The following HDHD2 variants were observed in gnomAD, a reference collection of about 807,000 sequenced individuals.
The protein encoded by HDHD2 is haloacid dehalogenase-like hydrolase domain-containing protein 2.
A neutral mutation model predicts 24.8 loss-of-function variants in HDHD2; 26 were observed. The observed-to-expected ratio is 1.05, with a 90% confidence interval of 0.77 to 1.45. The LOEUF is 1.45. Among genes scored for constraint, HDHD2 ranks in the 40% most tolerant of loss-of-function variants. HDHD2 has a pLI of 0.00. For missense variants in HDHD2, 299 were observed against 313.4 expected (o/e 0.95, Z 0.35); for synonymous variants, 128 against 114.9 (o/e 1.11, Z -0.73).
Position 47,115,261 on chromosome 18 carries a change from T to C in HDHD2, c.483A>G (p.Pro161=). 1.2e-6 allele frequency: 2 copies of C among 1,614,090 alleles called. No individual in the cohort carries two copies. The highest frequency in any genetic ancestry group is 1.7e-5 in the Admixed American group (1 of 60,030). Residue 161 remains proline, a synonymous_variant, in exon 5 of 7, where the codon CCA becomes CCG. Coordinates refer to ENST00000300605, the MANE Select transcript of HDHD2 (RefSeq NM_032124.5). ...RKDGLALGPG[P]FVTALEYATD... ...TGGCATACTCTAAAGCAGTCACAAA[T>C]GGTCCAGGCCCCAGGGCTAAGCCAT... is the stretch of plus-strand genomic sequence containing the variant.
At chr18:47,122,073 C>T (rs1212546443) in intron 4 of HDHD2, among the ~76,000 whole-genome samples, 1 of 152,082 alleles carries the variant, frequency 6.6e-6, no homozygotes, top group Non-Finnish European at 1.5e-5. Flanking sequence ...CTAGAACAGT[C>T]TCCATAATGC....
At chr18:47,127,672 C>A (rs1427303331) in intron 4 of HDHD2, among the ~76,000 whole-genome samples, 1 of 148,136 alleles carries the variant, frequency 6.8e-6, no homozygotes, top group South Asian at 2.1e-4. Context: ...GATCACACCA[C>A]TGCACTCCAG....
At chr18:47,118,336 AC>A (rs1301395657) in intron 4 of HDHD2, among the ~76,000 whole-genome samples, 1 of 152,216 alleles carries the variant, frequency 6.6e-6, no homozygotes, top group Non-Finnish European at 1.5e-5. Context: ...AAAAGAAAAG[AC>A]ATGAAATCAA....
intron 6 of HDHD2, chr18:47,110,438 A>C (rs1283308379): frequency 1.0e-6 from 1 of 985,162 alleles, no homozygotes. Flanking sequence ...CAAGGTTTCT[A>C]TTTGATCTTA....
intron 6 of HDHD2, chr18:47,109,672 G>A (rs1368355468): frequency 1.3e-5 from 2 of 152,186 alleles, no homozygotes; most frequent in Admixed American, 6.5e-5. Context: ...CCATTCCCTT[G>A]TCATTCCATT....
chr18:47,136,512 T>G, intron 1 of HDHD2, 63 bp from the exon 2 acceptor site: 1 of 1,364,510 alleles, frequency 7.3e-7, no homozygotes, highest in South Asian at 1.3e-5. Flanking sequence ...TAAAAACTGG[T>G]AAGTATTCAA....
At chr18:47,112,840 G>A (rs1241678723) in intron 6 of HDHD2, 137 bp downstream of exon 6, 4 of 683,084 alleles carry the variant, frequency 5.9e-6, no homozygotes, top group African/African-American at 3.6e-5. Context: ...ATAATCCTAA[G>A]CTGTTTTATT....
intron 1 of HDHD2, among the ~76,000 whole-genome samples, chr18:47,145,759 G>A (rs962655638): frequency 6.6e-6 from 1 of 152,112 alleles, no homozygotes; most frequent in Non-Finnish European, 1.5e-5. Context: ...AGAAAAGACA[G>A]ATAAATTCAA....
intron 1 of HDHD2, among the ~76,000 whole-genome samples, chr18:47,136,814 G>C (rs1355386125): frequency 2.0e-5 from 3 of 152,136 alleles, no homozygotes; most frequent in African/African-American, 7.2e-5. Context: ...GTGGATGAAA[G>C]GACTAAATCA....
rs765987391 is a variant in HDHD2, at chr18:47,108,701, A to T, written c.761T>A (p.Ile254Asn). The change falls in exon 7 of 7, where the codon ATT becomes AAT. Residue 254 changes from isoleucine (I) to asparagine (N), a missense_variant. By Grantham distance (149) the Ile-to-Asn change is moderately radical. Transcript: ENST00000300605. Reference sequence around the variant, plus strand: ...ACTGCTTCACAATAGGTGCTGCAGAATGTGGTCCACAGCATGAGGGAAACT... The same window carrying T: ...ACTGCTTCACAATAGGTGCTGCAGATTGTGGTCCACAGCATGAGGGAAACT... ...CESFPHAVDHILQHLL is the reference protein window; with the variant it reads ...CESFPHAVDHNLQHLL 23 of 1,594,974 alleles carry T rather than the reference A, an allele frequency of 1.4e-5. No individual in the cohort carries two copies. The South Asian group carries it at 2.4e-4, about 17-fold the overall frequency.
At chr18:47,111,592 G>A (rs919150953) in intron 6 of HDHD2, 1 of 985,174 alleles carries the variant, frequency 1.0e-6, no homozygotes. Flanking sequence ...TTACGTTCCT[G>A]GGAAGGTGAT....
intron 4 of HDHD2, among the ~76,000 whole-genome samples, chr18:47,124,984 A>G (rs550170877): frequency 1.3e-5 from 2 of 152,224 alleles, no homozygotes; most frequent in African/African-American, 4.8e-5. Flanking sequence ...GCAACACAGC[A>G]AAACCCCACT....
At chr18:47,110,843 A>G (rs751522700) in intron 6 of HDHD2, 1 of 985,164 alleles carries the variant, frequency 1.0e-6, no homozygotes, top group Non-Finnish European at 1.2e-6. Context: ...TGCTAAACAA[A>G]TTCTGGTTAG....
At chr18:47,141,593 G>C (rs995063049) in intron 1 of HDHD2, among the ~76,000 whole-genome samples, 2 of 152,144 alleles carry the variant, frequency 1.3e-5, no homozygotes, top group African/African-American at 4.8e-5. Context: ...TAATCAGTAT[G>C]GGCTCACAGA....
chr18:47,135,800 T>C (rs747704727), intron 2 of HDHD2, among the ~76,000 whole-genome samples: 5 of 152,210 alleles, frequency 3.3e-5, no homozygotes, highest in Admixed American at 2.0e-4. Flanking sequence ...CTCATTTGTA[T>C]CCAGACTTCT....
At chr18:47,124,728 A>AAAAAAC (rs150762794) in intron 4 of HDHD2, among the ~76,000 whole-genome samples, 3 of 149,166 alleles carry the variant, frequency 2.0e-5, no homozygotes, top group African/African-American at 7.6e-5. Context: ...AAAAAAAAAA[A>AAAAAAC]CAACTTTGAC....
At chr18:47,130,709 C>T (rs966333648) in intron 3 of HDHD2, among the ~76,000 whole-genome samples, 1 of 152,142 alleles carries the variant, frequency 6.6e-6, no homozygotes, top group Non-Finnish European at 1.5e-5. Flanking sequence ...TCCCTATGAA[C>T]TATCAGATCG....
At chr18:47,119,281 T>C (rs911577295) in intron 4 of HDHD2, among the ~76,000 whole-genome samples, 9 of 152,220 alleles carry the variant, frequency 5.9e-5, no homozygotes, top group Non-Finnish European at 1.3e-4. Context: ...TAGTATGTGA[T>C]GTTGTTTCAC....
chr18:47,110,844 T>C, intron 6 of HDHD2: 1 of 985,162 alleles, frequency 1.0e-6, no homozygotes, highest in South Asian at 4.7e-5. Flanking sequence ...GCTAAACAAA[T>C]TCTGGTTAGG....
Sources: allele counts gnomAD v4.1 joint callset (sites outside exome capture counted in the v4.1 genomes callset), GRCh38; gene constraint gnomAD v4.1.1; transcripts MANE v1.5; gene names NCBI Gene and HGNC (gene_info 2026-07-23, HGNC 2026-07-21).